The following TDRD1 variants were observed in gnomAD, a reference collection of about 807,000 sequenced individuals.
The protein encoded by TDRD1 is tudor domain-containing protein 1.
Under a neutral mutation model 140.6 loss-of-function variants are expected in TDRD1, and 37 were observed. The observed-to-expected ratio is 0.26, with a 90% confidence interval of 0.20 to 0.35. The LOEUF is 0.35. TDRD1 is among the 10% of genes least tolerant of loss of function. The pLI is 1.00. For synonymous variants in TDRD1, 506 were observed against 475.7 expected, an observed-to-expected ratio of 1.06 and a Z score of -0.83; for missense variants, 1,243 against 1,393.0, an observed-to-expected ratio of 0.89 and a Z score of 1.71.
At chr10:114,191,411 A>G (rs941775284) in intron 3 of TDRD1, among the ~76,000 whole-genome samples, 1 of 152,180 alleles carries the variant, frequency 6.6e-6, no homozygotes, top group African/African-American at 2.4e-5. Flanking sequence ...AATCCATAGC[A>G]GCCACTGATA....
intron 14 of TDRD1, among the ~76,000 whole-genome samples, chr10:114,212,734 T>C (rs1228918101): frequency 6.6e-6 from 1 of 152,250 alleles, no homozygotes; most frequent in Non-Finnish European, 1.5e-5. Context: ...CCAGTACTTC[T>C]TCAGAGATTG....
intron 7 of TDRD1, 92 bp from the exon 8 acceptor site, chr10:114,203,296 A>G (rs1277040424): frequency 4.0e-6 from 6 of 1,511,814 alleles, no homozygotes; most frequent in Middle Eastern, 1.8e-4. Flanking sequence ...ACTGCCTACA[A>G]TGCTGTTTGT....
chr10:114,216,412 C>T (rs1341920279), intron 16 of TDRD1, among the ~76,000 whole-genome samples: 1 of 152,040 alleles, frequency 6.6e-6, no homozygotes, highest in Non-Finnish European at 1.5e-5. Context: ...TTTGTTTGAG[C>T]CATTCTGATG....
exon 2 of TDRD1, chr10:114,187,982 C>A: frequency 6.2e-7 from 1 of 1,614,112 alleles, no homozygotes; most frequent in South Asian, 1.1e-5. Flanking sequence ...TCCTAACCAC[C>A]CTAATTTCAG....
In TDRD1 at chr10:114,189,784, A is replaced by G. The variant is rs560697593; in HGVS notation, c.326-1177A>G. Among the ~76,000 whole-genome samples the G allele has an allele frequency of 2.0e-5, 3 of 152,306 alleles. No individual in the cohort carries two copies. In the South Asian group the frequency reaches 6.2e-4, roughly 32 times the overall value. ...AACACATGAATTTTTGCTATTGCAT[A>G]ATGAAATGTGTCAACAATTGGAAAT... On this transcript the variant is annotated intron_variant, in intron 2 of 25. Coordinates refer to ENST00000251864, the Ensembl canonical transcript of TDRD1.
Position 114,228,018 on chromosome 10 carries a change from G to T in TDRD1, c.3451-20G>T. 1 of 1,609,574 alleles carries T rather than the reference G, an allele frequency of 6.2e-7. No homozygotes were observed. The highest frequency in any genetic ancestry group is 8.5e-7 in the Non-Finnish European group (1 of 1,178,082). On this transcript the variant is annotated intron_variant, in intron 24 of 25. Coordinates refer to ENST00000251864, the Ensembl canonical transcript of TDRD1. ...AACGTTTTTAGAAATTAAATCATAT[G>T]GTTTCTTTTTCACCCACAGGTTGAA... is the stretch of plus-strand genomic sequence containing the variant.
exon 7 of TDRD1, chr10:114,203,152 A>G (rs140378467): frequency 1.2e-4 from 197 of 1,612,890 alleles, no homozygotes; most frequent in Admixed American, 4.3e-4. Context: ...GAAGTCTACA[A>G]CTCAAGAAAA....
intron 21 of TDRD1, 58 bp downstream of exon 21, chr10:114,222,761 A>T: frequency 5.0e-6 from 5 of 994,116 alleles, no homozygotes; most frequent in East Asian, 2.4e-5. Flanking sequence ...TTTGTTCTAC[A>T]TGATACTATG....
rs11313522 is a variant in TDRD1, at chr10:114,203,367, CTTTT to C, written c.802-15_802-12del. 1 of 1,550,136 alleles carries C rather than the reference CTTTT, an allele frequency of 6.5e-7. No homozygotes were observed. The highest frequency in any genetic ancestry group is 1.2e-5 in the South Asian group (1 of 81,606). On this transcript the variant is annotated splice_polypyrimidine_tract_variant and intron_variant, in intron 7 of 25. Coordinates refer to ENST00000251864, the Ensembl canonical transcript of TDRD1. ...CTTGTGTGCCTTATGAATTATTCCT[CTTTT>C]TTTTTATCTTTGAAAGGGTACGGTT...
At chr10:114,184,899 A>T (rs576561077) in intron 1 of TDRD1, among the ~76,000 whole-genome samples, 25 of 152,300 alleles carry the variant, frequency 1.6e-4, no homozygotes, top group Middle Eastern at 3.4e-3. Context: ...GAGTGAATGT[A>T]GCATGTATGA....
chr10:114,207,155 A>G (rs1384869842), intron 11 of TDRD1, among the ~76,000 whole-genome samples: 2 of 151,992 alleles, frequency 1.3e-5, no homozygotes, highest in Non-Finnish European at 2.9e-5. Context: ...TATCTTTTTG[A>G]TCCTTTACTT....
At chr10:114,218,317 C>T (rs2035940398) in intron 17 of TDRD1, 97 bp from the exon 18 acceptor site, 1 of 838,860 alleles carries the variant, frequency 1.2e-6, no homozygotes, top group Non-Finnish European at 1.7e-6. Context: ...AAATTTATTA[C>T]CTACTTTTAG....
chr10:114,226,257 T>C lies in TDRD1; in HGVS notation c.3175+41T>C, dbSNP rs78512155. 8 of 1,209,862 alleles carry C rather than the reference T, an allele frequency of 6.6e-6. No homozygotes were observed. In the South Asian group the frequency reaches 1.3e-4, roughly 19 times the overall value. 74.9% of individuals were successfully genotyped at this position (1,209,862 alleles called of 1,614,324 possible). On this transcript the variant is annotated intron_variant, in intron 22 of 25. Coordinates refer to ENST00000251864, the Ensembl canonical transcript of TDRD1. ...ACTTTCCAATTTAGGTTTCTGGGTATTTTTTTTTTCCTCTTTATGTTTCAT... is the reference window on the plus strand; with the variant it reads ...ACTTTCCAATTTAGGTTTCTGGGTACTTTTTTTTTCCTCTTTATGTTTCAT...
At chr10:114,221,396 C>T (rs749290312) in exon 20 of TDRD1, 3 of 1,612,458 alleles carry the variant, frequency 1.9e-6, no homozygotes, top group South Asian at 1.1e-5. Context: ...ATAGAATTGC[C>T]AGTGGATAAA....
intron 3 of TDRD1, among the ~76,000 whole-genome samples, chr10:114,197,810 A>T (rs2034471406): frequency 1.3e-5 from 2 of 152,008 alleles, no homozygotes; most frequent in South Asian, 4.1e-4. Flanking sequence ...GGCACGTGCC[A>T]CCATGCCTGG....
At chr10:114,217,605 C>G in exon 17 of TDRD1, 3 of 1,605,198 alleles carry the variant, frequency 1.9e-6, no homozygotes, top group Non-Finnish European at 2.5e-6. Context: ...CAGAAGTTAC[C>G]TAATGGTTTC....
chr10:114,188,259 C>A, intron 2 of TDRD1, 103 bp downstream of exon 2: 1 of 950,640 alleles, frequency 1.1e-6, no homozygotes, highest in Non-Finnish European at 1.6e-6. Context: ...GCAGAACAGG[C>A]ACATGACTAC....
At chr10:114,179,069 G>A (rs1589645415), upstream of TDRD1, among the ~76,000 whole-genome samples, 1 of 152,346 alleles carries the variant, frequency 6.6e-6, no homozygotes, top group East Asian at 1.9e-4. Flanking sequence ...GACCTTCGAG[G>A]AGACAAAGTC....
At chr10:114,202,359 A>T (rs189194296) in intron 6 of TDRD1, 61 bp downstream of exon 6, 1 of 1,207,948 alleles carries the variant, frequency 8.3e-7, no homozygotes, top group Admixed American at 2.4e-5. Context: ...AAGATGTAAG[A>T]TAAATATTTT....
Sources: allele counts gnomAD v4.1 joint callset (sites outside exome capture counted in the v4.1 genomes callset), GRCh38; gene constraint gnomAD v4.1.1; transcripts MANE v1.5; gene names NCBI Gene and HGNC (gene_info 2026-07-23, HGNC 2026-07-21).